Variants in NMBR observed in about 807,000 individuals in gnomAD.
NMBR encodes the protein neuromedin-B receptor.
Under a neutral mutation model 20.5 loss-of-function variants are expected in NMBR, and 16 were observed. The ratio of observed to expected loss-of-function variants is 0.78; its 90% confidence interval spans 0.53 to 1.19. The LOEUF is 1.19. Ranked by LOEUF, NMBR falls within the 50% of genes most tolerant of loss-of-function variation. NMBR has a pLI of 0.00. For missense variants in NMBR, 582 were observed against 499.1 expected (o/e 1.17, Z -1.58); for synonymous variants, 212 against 196.6 (o/e 1.08, Z -0.65).
At chr6:142,114,786 A>G (rs1777822204) in intron 1 of NMBR, among the ~76,000 whole-genome samples, 1 of 152,132 alleles carries the variant, frequency 6.6e-6, no homozygotes, top group Non-Finnish European at 1.5e-5. Context: ...CAATTTAATG[A>G]TTAGAGTTTA....
chr6:142,141,680 AT>A (rs1289775540), intron 1 of NMBR, among the ~76,000 whole-genome samples: 1 of 151,890 alleles, frequency 6.6e-6, no homozygotes, highest in Non-Finnish European at 1.5e-5. Context: ...AATTTTTTGT[AT>A]TTTTAGTAGA....
At chr6:142,095,657 C>T (rs1157930479) in intron 1 of NMBR, among the ~76,000 whole-genome samples, 1 of 152,160 alleles carries the variant, frequency 6.6e-6, no homozygotes, top group East Asian at 1.9e-4. Flanking sequence ...CAGGATGATG[C>T]TGGCCTCATA....
At chr6:142,091,419 C>T (rs920459700) in intron 1 of NMBR, among the ~76,000 whole-genome samples, 9 of 152,212 alleles carry the variant, frequency 5.9e-5, no homozygotes, top group African/African-American at 2.2e-4. Context: ...GACATGGGGT[C>T]TCACTTTGTT....
At chr6:142,098,355 T>C (rs1238430485) in intron 1 of NMBR, among the ~76,000 whole-genome samples, 1 of 152,088 alleles carries the variant, frequency 6.6e-6, no homozygotes, top group African/African-American at 2.4e-5. Flanking sequence ...GAAAAAGACA[T>C]AGGGTGATAT....
intron 2 of NMBR, among the ~76,000 whole-genome samples, chr6:142,085,043 G>A (rs1056035443): frequency 6.6e-6 from 1 of 152,164 alleles, no homozygotes; most frequent in Non-Finnish European, 1.5e-5. Context: ...CAAGATAACA[G>A]TTTAAAAAAT....
At chr6:142,103,003 A>ACCAAAG (rs1191806577) in intron 1 of NMBR, among the ~76,000 whole-genome samples, 1 of 152,092 alleles carries the variant, frequency 6.6e-6, no homozygotes, top group Non-Finnish European at 1.5e-5. Context: ...CTGGGGAGGA[A>ACCAAAG]CTTCCTTGGT....
intron 1 of NMBR, among the ~76,000 whole-genome samples, chr6:142,142,241 T>C (rs1299608690): frequency 1.3e-5 from 2 of 152,178 alleles, no homozygotes; most frequent in South Asian, 2.1e-4. Context: ...ATGAATTCAG[T>C]GGTGAATTCC....
chr6:142,134,852 C>T (rs1214652094), intron 1 of NMBR: 1 of 644,018 alleles, frequency 1.6e-6, no homozygotes, highest in Non-Finnish European at 2.8e-6. Flanking sequence ...ACAACAATTA[C>T]AATTTTATTA....
chr6:142,106,107 G>A (rs79493605), intron 1 of NMBR, among the ~76,000 whole-genome samples: 1 of 152,174 alleles, frequency 6.6e-6, no homozygotes, highest in East Asian at 1.9e-4. Flanking sequence ...TAGCCATGTG[G>A]CACCCAGGAA....
chr6:142,095,240 A>G (rs1006279366), intron 1 of NMBR, among the ~76,000 whole-genome samples: 2 of 152,122 alleles, frequency 1.3e-5, no homozygotes, highest in East Asian at 3.9e-4. Flanking sequence ...CAGTTTTTAA[A>G]GGGAATGCTT....
At chr6:142,138,989 G>A (rs547220498) in intron 1 of NMBR, among the ~76,000 whole-genome samples, 95 of 152,232 alleles carry the variant, frequency 6.2e-4, no homozygotes, top group Admixed American at 1.2e-3. Context: ...ACTTTTCTGT[G>A]TGCTCTATCA....
At chr6:142,138,614 C>A (rs1031281736) in intron 1 of NMBR, among the ~76,000 whole-genome samples, 1 of 152,092 alleles carries the variant, frequency 6.6e-6, no homozygotes, top group Non-Finnish European at 1.5e-5. Context: ...TAATAAACAG[C>A]AACCTTGTTT....
chr6:142,075,391 A>G lies in NMBR; in HGVS notation c.*257T>C, dbSNP rs1019844636. Among the ~76,000 whole-genome samples the G allele has an allele frequency of 9.2e-5, 14 of 152,104 alleles. No individual in the cohort carries two copies. The highest frequency in any genetic ancestry group is 3.4e-4 in the African/African-American group (14 of 41,404). ...AAATATATATAATGTACATGTGTGTACATGTGTGTGTGCAAATACATATAT... is the reference window on the plus strand; with the variant it reads ...AAATATATATAATGTACATGTGTGTGCATGTGTGTGTGCAAATACATATAT... On this transcript the variant is annotated 3_prime_UTR_variant, in exon 4 of 4. Transcript: ENST00000258042.
intron 1 of NMBR, among the ~76,000 whole-genome samples, chr6:142,141,724 C>T (rs1040841805): frequency 1.3e-5 from 2 of 152,136 alleles, no homozygotes; most frequent in East Asian, 1.9e-4. Context: ...CAGGCTGTCT[C>T]GAACTCCTGA....
intron 2 of NMBR, among the ~76,000 whole-genome samples, chr6:142,080,093 T>C (rs1777062584): frequency 1.3e-5 from 2 of 152,158 alleles, no homozygotes; most frequent in African/African-American, 4.8e-5. Flanking sequence ...CCATCTCTGA[T>C]ATATTTTGGA....
At position 142,108,769 on chromosome 6, in the gene NMBR, C is replaced by T. The variant is rs58451627; in HGVS notation, c.-663-19448G>A. Among the ~76,000 whole-genome samples the T allele has an allele frequency of 4.5e-3, 682 of 152,160 alleles. 2 individuals are homozygous for T. The highest frequency in any genetic ancestry group is 0.016 in the African/African-American group (657 of 41,506). ...CCTGGCCCCTTCCAAATATCATGTC[C>T]GCACATTTCAAAACCAATCACGCCT... On this transcript the variant is annotated intron_variant, in intron 1 of 3. Coordinates refer to ENST00000258042, the MANE Select transcript of NMBR (RefSeq NM_002511.4).
At chr6:142,100,333 A>T (rs1194143596) in intron 1 of NMBR, among the ~76,000 whole-genome samples, 1 of 152,346 alleles carries the variant, frequency 6.6e-6, no homozygotes, top group African/African-American at 2.4e-5. Flanking sequence ...TGAATGAATA[A>T]ATAAACGGTG....
intron 2 of NMBR, among the ~76,000 whole-genome samples, chr6:142,082,852 C>T (rs1445592972): frequency 6.6e-6 from 1 of 152,158 alleles, no homozygotes; most frequent in Non-Finnish European, 1.5e-5. Flanking sequence ...ACCTTATGGC[C>T]ATGAGTTTTG....
chr6:142,145,354 T>A (rs1308981587), intron 1 of NMBR, among the ~76,000 whole-genome samples: 3 of 152,090 alleles, frequency 2.0e-5, no homozygotes, highest in Non-Finnish European at 1.5e-5. Context: ...AAAGACATCA[T>A]AGTCAAGTAG....
Sources: allele counts gnomAD v4.1 joint callset (sites outside exome capture counted in the v4.1 genomes callset), GRCh38; gene constraint gnomAD v4.1.1; transcripts MANE v1.5; gene names NCBI Gene and HGNC (gene_info 2026-07-23, HGNC 2026-07-21).